NBEAL2: variants seen among roughly 807,000 people sequenced by gnomAD.
NBEAL2 encodes neurobeachin-like protein 2.
In NBEAL2, 160 loss-of-function variants were observed where a neutral mutation model predicts 299.8. The observed-to-expected ratio is 0.53, with a 90% CI of 0.47 to 0.61. NBEAL2 has a LOEUF of 0.61. Ranked by LOEUF, NBEAL2 falls within the 20% of genes least tolerant of loss-of-function variation. The pLI, the probability that NBEAL2 is intolerant of heterozygous loss-of-function variation, is 0.00. For synonymous variants in NBEAL2, 1,493 were observed against 1,542.3 expected (o/e 0.97, Z 0.75); for missense variants, 3,112 against 3,649.0 (o/e 0.85, Z 3.79).
rs1482514572 is a variant in NBEAL2, at chr3:47,002,942, G to A, written c.5460-15G>A. 1 of 1,612,206 alleles carries A rather than the reference G, an allele frequency of 6.2e-7. No homozygotes were observed. Among genetic ancestry groups the A allele is most frequent in the East Asian group, 2.2e-5 (1 of 44,862 alleles). The stretch of plus-strand genomic sequence containing the variant: ...CAGCCTTCTACCGACCCATGACCTG[G>A]GGGACATTCTGCAGGGACACTCCCA... On this transcript the variant is annotated splice_polypyrimidine_tract_variant and intron_variant, in intron 33 of 53. Coordinates refer to ENST00000450053, the MANE Select transcript of NBEAL2 (RefSeq NM_015175.3).
intron 25 of NBEAL2, 52 bp downstream of exon 25, chr3:46,999,526 G>C: frequency 6.3e-7 from 1 of 1,584,378 alleles, no homozygotes; most frequent in Non-Finnish European, 8.6e-7. Flanking sequence ...GAAAAACAGG[G>C]CAGGCAGGCC....
chr3:47,005,315 G>A lies in NBEAL2; in HGVS notation c.6554G>A (p.Ser2185Asn). ...ACCTCCCTGCACGTCCAGCTGCAAAGTGGCCGGTGCGGCCCAGGGGCTGGT... is the reference window on the plus strand; with the variant it reads ...ACCTCCCTGCACGTCCAGCTGCAAAATGGCCGGTGCGGCCCAGGGGCTGGT... ...PFTSLHVQLQ[S>N]GRFDCSDRQF... Residue 2185 changes from serine (S) to asparagine (N), a missense_variant, in exon 40 of 54, where the codon AGT (serine) becomes AAT (asparagine). Transcript: ENST00000450053. 1.2e-6 allele frequency: 2 copies of A among 1,611,952 alleles called. No individual in the cohort carries two copies. The highest frequency in any genetic ancestry group is 1.7e-6 in the Non-Finnish European group (2 of 1,179,330).
chr3:47,002,463 T>A lies in NBEAL2; in HGVS notation c.5244T>A (p.Leu1748=). The A allele has an allele frequency of 6.2e-7, 1 of 1,613,198 alleles. No individual in the cohort carries two copies. The highest frequency in any genetic ancestry group is 1.1e-5 in the South Asian group (1 of 91,090). Residue 1748 remains leucine, a synonymous_variant, in exon 32 of 54, where the codon CTT becomes CTA. Coordinates refer to ENST00000450053, the MANE Select transcript of NBEAL2 (RefSeq NM_015175.3). The part of the protein sequence containing the change: ...SGFWNACYDM[L]MSSGQRRQWE... ...TCTGGAATGCCTGCTATGACATGCTTATGAGCAGTGGGCAGCGGCGCCAGT... is the reference window on the plus strand; with the variant it reads ...TCTGGAATGCCTGCTATGACATGCTAATGAGCAGTGGGCAGCGGCGCCAGT...
rs372175059 is a variant in NBEAL2, at chr3:47,002,673, G to C, written c.5330G>C (p.Arg1777Pro). 5 of 1,607,566 alleles carry C rather than the reference G, an allele frequency of 3.1e-6. No individual in the cohort carries two copies. The highest frequency in any genetic ancestry group is 4.2e-6 in the Non-Finnish European group (5 of 1,178,426). Residue 1777 changes from arginine (R) to proline (P), a missense_variant, in exon 33 of 54, where the codon CGG becomes CCG. By Grantham distance (103) the Arg-to-Pro change is moderately radical (BLOSUM62 -2). Transcript: ENST00000450053. ...QELVLEPAQR[R>P]ARLEGLRYTA... The stretch of plus-strand genomic sequence containing the variant: ...CTGGTGCTGGAACCTGCGCAGAGGC[G>C]GGCGCGCCTGGAGGGGCTACGCTAC...
Position 46,979,757 on chromosome 3 carries a change from C to G in NBEAL2, c.-105C>G, listed in dbSNP as rs1425477467. ...CCAGTAGTACCGCGCCGCTCCGCCC[C>G]GGAGTGACGCCCTCCGCCCATGGGC... On this transcript the variant is annotated 5_prime_UTR_variant, in exon 1 of 54. Transcript: ENST00000450053. 3.0e-6 allele frequency: 1 copy of G among 337,028 alleles called. No individual in the cohort carries two copies. Among genetic ancestry groups the G allele is most frequent in the African/African-American group, 2.2e-5 (1 of 46,038 alleles). 20.9% of individuals were successfully genotyped at this position (337,028 alleles called of 1,614,324 possible).
chr3:46,998,564 A>G lies in NBEAL2; in HGVS notation c.3220A>G (p.Ser1074Gly). 1 of 1,608,792 alleles carries G rather than the reference A, an allele frequency of 6.2e-7. No individual in the cohort carries two copies. The highest frequency in any genetic ancestry group is 8.5e-7 in the Non-Finnish European group (1 of 1,177,782). ...FILDALRTHY[S>G]PQRERPLAAD... ...CTTGGATGCTCTGCGCACCCACTAC[A>G]GGTGAGGCCAGTGGGGCCAGATGGG... Residue 1074 changes from serine to glycine, a missense_variant and splice_region_variant, in exon 22 of 54, where the codon AGC (serine) becomes GGC (glycine). Ser to Gly is a moderately conservative substitution (Grantham distance 56, BLOSUM62 0). Around this residue, in one of 3 missense-constraint regions of NBEAL2, gnomAD observed 2,243 missense variants for 2,538.1 expected, o/e 0.88. Transcript: ENST00000450053.
Position 47,000,393 on chromosome 3 carries a change from A to C in NBEAL2, c.4294A>C (p.Ser1432Arg). 2 of 1,571,224 alleles carry C rather than the reference A, an allele frequency of 1.3e-6. No individual in the cohort carries two copies. Among genetic ancestry groups the C allele is most frequent in the Non-Finnish European group, 1.7e-6 (2 of 1,155,674 alleles). Residue 1432 changes from serine (S) to arginine (R), a missense_variant, in exon 27 of 54, where the codon AGC becomes CGC. This residue lies in a region of NBEAL2 where 2,243 missense variants were observed against 2,538.1 expected (regional missense o/e 0.88). Coordinates refer to ENST00000450053, the MANE Select transcript of NBEAL2 (RefSeq NM_015175.3). This position sits in a 1 kb window ranked among gnomAD's most constrained non-coding sequence, Gnocchi z 4.5. ...TAGCGGGGATGATACCTCGAACACC[A>C]GCAACCCACAGGTGAGGTGGGCCCA... The part of the protein sequence containing the change: ...TISGDDTSNT[S>R]NPQQTSEEEL...
rs1476095461 is a variant in NBEAL2 at position 46,991,454 on chromosome 3, AGT to A, written c.695_696del (p.Val232GlyfsTer46). On this transcript the variant is annotated frameshift_variant, in exon 8 of 54. Transcript: ENST00000450053. LOFTEE classifies it high-confidence loss of function. The surrounding 1 kb of genome is among the most constrained non-coding windows in gnomAD (Gnocchi z 6.2). ...TGATGGCTCTGTGAAGGGCCTGCTG[AGT>A]GTGGTGCGGGGCTGGAGCCGTGGGC... ...VSDGSVKGLL[S>X]VVRGWSRGPA... 6.2e-7 allele frequency: 1 copy of A among 1,611,466 alleles called. No individual in the cohort carries two copies. Among genetic ancestry groups the A allele is most frequent in the Non-Finnish European group, 8.5e-7 (1 of 1,178,942 alleles).
At position 47,007,864 on chromosome 3, in the gene NBEAL2, C is replaced by G; in HGVS notation, c.7556C>G (p.Ser2519Ter). 6.2e-7 allele frequency: 1 copy of G among 1,613,684 alleles called. No individual in the cohort carries two copies. Among genetic ancestry groups the G allele is most frequent in the Non-Finnish European group, 8.5e-7 (1 of 1,179,810 alleles). Residue 2519 changes from serine (S) to a stop codon, truncating the protein, a stop_gained, in exon 49 of 54, where the codon TCA becomes TGA. Transcript: ENST00000450053. LOFTEE classifies it high-confidence loss of function. ...GACACCTGTGGCATCTACCTCATCT[C>G]AGGCTCCCGGGACACCACGTGCATG... ...ALDTCGIYLISGSRDTTCMVW... is the reference protein window; with the variant it reads ...ALDTCGIYLI
chr3:47,001,326 C>A lies in NBEAL2; in HGVS notation c.4532C>A (p.Ala1511Asp), dbSNP rs886058600. 4.3e-6 allele frequency: 7 copies of A among 1,612,894 alleles called. No homozygotes were observed. Among genetic ancestry groups the A allele is most frequent in the East Asian group, 2.2e-5 (1 of 44,844 alleles). ...LESALTDIKE[A>D]PVGVLASLTQ... is the part of the protein sequence containing the mutation. Reference sequence around the variant, plus strand: ...TCAGCCCTGACCGACATCAAAGAGGCCCCCGTGGGGGTCCTGGCCAGCCTC... The same window carrying A: ...TCAGCCCTGACCGACATCAAAGAGGACCCCGTGGGGGTCCTGGCCAGCCTC... The change falls in exon 29 of 54, where the codon GCC (alanine) becomes GAC (aspartate). Residue 1511 changes from alanine (A) to aspartate (D), a missense_variant. This residue lies in a region of NBEAL2 where 2,243 missense variants were observed against 2,538.1 expected (regional missense o/e 0.88). Transcript: ENST00000450053. The surrounding 1 kb of genome is among the most constrained non-coding windows in gnomAD (Gnocchi z 6.1).
chr3:46,988,106 C>G lies in NBEAL2; in HGVS notation c.52-563C>G, dbSNP rs762539458. Reference sequence around the variant, plus strand: ...ACCAGCAAGGGTGGGTGGAGGTTCCCGGGGCAAGGCAGGGCCGCACATGAG... The same window carrying G: ...ACCAGCAAGGGTGGGTGGAGGTTCCGGGGGCAAGGCAGGGCCGCACATGAG... On this transcript the variant is annotated intron_variant, in intron 1 of 53. Transcript: ENST00000450053. The surrounding 1 kb of genome is among the most constrained non-coding windows in gnomAD (Gnocchi z 4.4). 3 of 1,192,074 alleles carry G rather than the reference C, an allele frequency of 2.5e-6. No individual in the cohort carries two copies. In the South Asian group the frequency reaches 4.4e-5, roughly 17 times the overall value. The allele number at this position is 1,192,074 out of a possible 1,614,324, so 73.8% of individuals were successfully genotyped here. A position where few individuals can be genotyped will look rare whatever the true frequency, so the allele number is the denominator to read the frequency against.
chr3:46,995,109 G>T lies in NBEAL2; in HGVS notation c.1374G>T (p.Trp458Cys), dbSNP rs929953057. Residue 458 changes from tryptophan to cysteine, a missense_variant, in exon 13 of 54, where the codon TGG (tryptophan) becomes TGT (cysteine). Trp to Cys is a radical substitution (Grantham distance 215). This residue lies in a region of NBEAL2 where 2,243 missense variants were observed against 2,538.1 expected (regional missense o/e 0.88). Transcript: ENST00000450053. ...AGCCGGTACTGGTGCTGGCGCAGTG[G>T]CTGCCGTCATTGCCCACCGCTGAGC... ...NEQPVLVLAQWLPSLPTAELR... is the reference protein window; with the variant it reads ...NEQPVLVLAQCLPSLPTAELR... 1.3e-6 allele frequency: 2 copies of T among 1,572,866 alleles called. No individual in the cohort carries two copies.
chr3:46,990,076 C>A (rs1408737742), intron 6 of NBEAL2, among the ~76,000 whole-genome samples: 1 of 152,126 alleles, frequency 6.6e-6, no homozygotes. Context: ...CCCCTGGGTC[C>A]CCTCTCTCCT....
At position 46,992,394 on chromosome 3, in the gene NBEAL2, T is replaced by A. The variant is rs1391466408; in HGVS notation, c.1033-81T>A. On this transcript the variant is annotated intron_variant, in intron 9 of 53. Coordinates refer to ENST00000450053, the MANE Select transcript of NBEAL2 (RefSeq NM_015175.3). The stretch of plus-strand genomic sequence containing the variant: ...CAGGGCACCTGGCAGCTGCCCCTGG[T>A]CCTGCTCTAACCCCACCCTCTCCCA... 3.7e-6 allele frequency: 5 copies of A among 1,333,866 alleles called. No individual in the cohort carries two copies. In the African/African-American group the frequency reaches 7.3e-5, roughly 19 times the overall value. The allele number at this position is 1,333,866 out of a possible 1,614,324, so 82.6% of individuals were successfully genotyped here.
Position 46,996,309 on chromosome 3 carries a change from C to T in NBEAL2, c.2190C>T (p.Arg730=). 1 of 1,610,284 alleles carries T rather than the reference C, an allele frequency of 6.2e-7. No individual in the cohort carries two copies. Among genetic ancestry groups the T allele is most frequent in the African/African-American group, 1.3e-5 (1 of 75,038 alleles). The change falls in exon 16 of 54, where the codon CGC becomes CGT. Residue 730 remains arginine (R), a synonymous_variant. Coordinates refer to ENST00000450053, the MANE Select transcript of NBEAL2 (RefSeq NM_015175.3). The part of the protein sequence containing the change: ...SSCCIGSAGY[R]TTTTTTGLPT... ...GCTGTATCGGCTCCGCTGGATACCG[C>T]ACAACGACCACCACCACAGGGCTGC...
rs1403773300 is a variant in NBEAL2, at chr3:47,005,213, T to C, written c.6452T>C (p.Ile2151Thr). The change falls in exon 40 of 54, where the codon ATT becomes ACT. Residue 2151 changes from isoleucine to threonine, a missense_variant. Physicochemically the swap from Ile to Thr is moderately conservative, Grantham distance 89. Coordinates refer to ENST00000450053, the MANE Select transcript of NBEAL2 (RefSeq NM_015175.3). The stretch of plus-strand genomic sequence containing the variant: ...AGCTTTGAGGACCCAGCAGGGACCA[T>C]TGACAAGTTCCACTATGGCACCCAC... ...YESFEDPAGTIDKFHYGTHYS... is the reference protein window; with the variant it reads ...YESFEDPAGTTDKFHYGTHYS... The C allele has an allele frequency of 8.7e-6, 14 of 1,613,630 alleles. No homozygotes were observed. The highest frequency in any genetic ancestry group is 2.2e-5 in the South Asian group (2 of 91,088).
At position 46,996,330 on chromosome 3, in the gene NBEAL2, G is replaced by A. The variant is rs1347516758; in HGVS notation, c.2211G>A (p.Gly737=). ...ACCGCACAACGACCACCACCACAGG[G>A]CTGCCCACACCACCAGTCCCCGCCA... ...AGYRTTTTTT[G]LPTPPVPATL... is the part of the protein sequence containing the mutation. Residue 737 remains glycine (G), a synonymous_variant, in exon 16 of 54, where the codon GGG becomes GGA. Transcript: ENST00000450053. 2 of 1,611,576 alleles carry A rather than the reference G, an allele frequency of 1.2e-6. No individual in the cohort carries two copies. Among genetic ancestry groups the A allele is most frequent in the Non-Finnish European group, 1.7e-6 (2 of 1,179,838 alleles).
chr3:46,992,984 C>T (rs1575595447), intron 10 of NBEAL2, among the ~76,000 whole-genome samples: 1 of 152,194 alleles, frequency 6.6e-6, no homozygotes, highest in East Asian at 1.9e-4. Flanking sequence ...ATGATGTGAT[C>T]CCTGATTCAC....
Position 46,991,413 on chromosome 3 carries a change from G to A in NBEAL2, c.650G>A (p.Gly217Glu). 1 of 1,605,032 alleles carries A rather than the reference G, an allele frequency of 6.2e-7. No homozygotes were observed. Among genetic ancestry groups the A allele is most frequent in the African/African-American group, 1.3e-5 (1 of 74,864 alleles). Residue 217 changes from glycine (G) to glutamate (E), a missense_variant, in exon 8 of 54, where the codon GGG becomes GAG. By Grantham distance (98) the Gly-to-Glu change is moderately conservative. Coordinates refer to ENST00000450053, the MANE Select transcript of NBEAL2 (RefSeq NM_015175.3). This position sits in a 1 kb window ranked among gnomAD's most constrained non-coding sequence, Gnocchi z 6.2. Reference sequence around the variant, plus strand: ...CTCTGTCCACACCTGCAGGAGAACGGGCAGATGGCTGTAAGTGATGGCTCT... The same window carrying A: ...CTCTGTCCACACCTGCAGGAGAACGAGCAGATGGCTGTAAGTGATGGCTCT... ...CAVLAGGKENGQMAVSDGSVK... is the reference protein window; with the variant it reads ...CAVLAGGKENEQMAVSDGSVK...
Sources: allele counts gnomAD v4.1 joint callset (sites outside exome capture counted in the v4.1 genomes callset), GRCh38; gene constraint gnomAD v4.1.1; regional missense constraint gnomAD v4.1.1; non-coding constraint Gnocchi (gnomAD v3.1); transcripts MANE v1.5; gene names NCBI Gene and HGNC (gene_info 2026-07-23, HGNC 2026-07-21).